CTNND2: variants seen among roughly 807,000 people sequenced by gnomAD.
The protein encoded by CTNND2 is catenin delta-2.
In CTNND2, 22 loss-of-function variants were observed where a neutral mutation model predicts 144.4. That is an observed-to-expected ratio of 0.15 (90% CI 0.11 to 0.22). The LOEUF (loss-of-function observed/expected upper bound fraction) is 0.22, where lower values mean the gene tolerates loss of function less well. Ranked by LOEUF, CTNND2 falls within the 10% of genes least tolerant of loss-of-function variation. CTNND2 has a pLI of 1.00. For synonymous variants in CTNND2, 751 were observed against 695.6 expected, an observed-to-expected ratio of 1.08 and a Z score of -1.25; for missense variants, 1,353 against 1,618.8, an observed-to-expected ratio of 0.84 and a Z score of 2.82.
At chr5:11,108,891 A>G (rs914710280) in intron 14 of CTNND2, among the ~76,000 whole-genome samples, 2 of 152,178 alleles carry the variant, frequency 1.3e-5, no homozygotes, top group Non-Finnish European at 2.9e-5. Context: ...AAAACAAACC[A>G]AAAAATGCTG....
chr5:11,813,800 C>T (rs1008150313), intron 1 of CTNND2, among the ~76,000 whole-genome samples: 5 of 152,186 alleles, frequency 3.3e-5, no homozygotes, highest in Non-Finnish European at 7.3e-5. Context: ...AGGCATGAGC[C>T]ACCCCACTCA....
intron 3 of CTNND2, among the ~76,000 whole-genome samples, chr5:11,429,026 T>C (rs1763037684): frequency 6.6e-6 from 1 of 151,986 alleles, no homozygotes; most frequent in African/African-American, 2.4e-5. Flanking sequence ...TCCCCACCCC[T>C]CCCCCTTAAA....
At chr5:11,066,801 G>A (rs1272264481) in intron 16 of CTNND2, among the ~76,000 whole-genome samples, 1 of 152,164 alleles carries the variant, frequency 6.6e-6, no homozygotes, top group Non-Finnish European at 1.5e-5. Context: ...ACAGAAGAAG[G>A]CAATGCTAAT....
chr5:11,319,801 G>A (rs1018553431), intron 9 of CTNND2, among the ~76,000 whole-genome samples: 31 of 152,302 alleles, frequency 2.0e-4, no homozygotes, highest in African/African-American at 7.2e-4. Context: ...GATTACAGGC[G>A]TGAGCCACTG....
chr5:11,876,227 C>T (rs190660363), intron 1 of CTNND2, among the ~76,000 whole-genome samples: 2 of 128,204 alleles, frequency 1.6e-5, no homozygotes, highest in African/African-American at 2.9e-5. Context: ...AGGGAGGAGG[C>T]GGGAGGCAGC....
chr5:11,352,718 C>A (rs190349232), intron 8 of CTNND2, among the ~76,000 whole-genome samples: 1 of 152,114 alleles, frequency 6.6e-6, no homozygotes, highest in Non-Finnish European at 1.5e-5. Flanking sequence ...GCAAGCTCCT[C>A]ATTAGGTCTT....
At chr5:11,041,384 A>G (rs2042297330) in intron 16 of CTNND2, among the ~76,000 whole-genome samples, 1 of 152,204 alleles carries the variant, frequency 6.6e-6, no homozygotes, top group Non-Finnish European at 1.5e-5. Context: ...CTAGAAGACA[A>G]ATAGAAGTTA....
chr5:11,089,444 T>C (rs1750531996), intron 15 of CTNND2, among the ~76,000 whole-genome samples: 1 of 152,176 alleles, frequency 6.6e-6, no homozygotes, highest in Non-Finnish European at 1.5e-5. Context: ...TGTAGACACT[T>C]TGTTTACATG....
At position 10,981,656 on chromosome 5, in the gene CTNND2, G is replaced by A. The variant is rs1230787116; in HGVS notation, c.3417+117C>T. ...GCGTGAGGAGAGGGCCTCAGGGGAC[G>A]TTGCCTTCTTTTTCAGTTCTTTATG... On this transcript the variant is annotated intron_variant, in intron 21 of 21. Coordinates refer to ENST00000304623, the MANE Select transcript of CTNND2 (RefSeq NM_001332.4). The A allele has an allele frequency of 2.1e-5, 20 of 960,260 alleles. No individual in the cohort carries two copies. In the Middle Eastern group the frequency reaches 7.2e-4, roughly 35 times the overall value. 59.5% of individuals were successfully genotyped at this position (960,260 alleles called of 1,614,324 possible).
chr5:11,477,404 T>TTTTTG (rs568650080), intron 3 of CTNND2, among the ~76,000 whole-genome samples: 298 of 151,366 alleles, frequency 2.0e-3, no homozygotes, highest in African/African-American at 6.7e-3. Flanking sequence ...GGTGGTGTTG[T>TTTTTG]TTTTGTTTTG....
At chr5:11,002,705 A>T (rs1740080652) in intron 18 of CTNND2, among the ~76,000 whole-genome samples, 1 of 152,202 alleles carries the variant, frequency 6.6e-6, no homozygotes, top group Non-Finnish European at 1.5e-5. Flanking sequence ...CCTGGAAGAC[A>T]ACTTTTAGAA....
intron 3 of CTNND2, among the ~76,000 whole-genome samples, chr5:11,479,164 G>A (rs1768014453): frequency 6.6e-6 from 1 of 152,040 alleles, no homozygotes; most frequent in South Asian, 2.1e-4. Context: ...TCACCCTCAG[G>A]AATGTCCTAC....
intron 18 of CTNND2, among the ~76,000 whole-genome samples, chr5:11,004,965 G>T (rs1336915363): frequency 2.6e-5 from 4 of 152,102 alleles, no homozygotes; most frequent in Non-Finnish European, 5.9e-5. Context: ...TTGAGGGGAA[G>T]ATGAAGGAGA....
chr5:11,831,048 G>A (rs751461311), intron 1 of CTNND2, among the ~76,000 whole-genome samples: 26 of 152,060 alleles, frequency 1.7e-4, no homozygotes, highest in Non-Finnish European at 3.5e-4. Flanking sequence ...AGGAGAGTAT[G>A]TTTGTGTGTG....
At chr5:11,141,214 A>G (rs562236535) in intron 12 of CTNND2, among the ~76,000 whole-genome samples, 24 of 152,316 alleles carry the variant, frequency 1.6e-4, no homozygotes, top group African/African-American at 5.3e-4. Flanking sequence ...TTGGCCTCCC[A>G]AAGTGCTGGG....
intron 9 of CTNND2, among the ~76,000 whole-genome samples, chr5:11,279,611 T>C (rs1037898542): frequency 1.3e-5 from 2 of 152,198 alleles, no homozygotes; most frequent in African/African-American, 4.8e-5. Context: ...GTGCCTTGCA[T>C]TAGATTAGAC....
At chr5:11,720,647 C>T (rs1322945934) in intron 2 of CTNND2, among the ~76,000 whole-genome samples, 1 of 152,196 alleles carries the variant, frequency 6.6e-6, no homozygotes, top group East Asian at 1.9e-4. Context: ...TATGCTGCCG[C>T]GACTCATGTT....
chr5:11,293,198 G>A (rs952614042), intron 9 of CTNND2, among the ~76,000 whole-genome samples: 1 of 152,162 alleles, frequency 6.6e-6, no homozygotes, highest in African/African-American at 2.4e-5. Flanking sequence ...CAAAACATCT[G>A]TGATTAGAAA....
At chr5:11,667,769 A>G (rs570358649) in intron 2 of CTNND2, among the ~76,000 whole-genome samples, 3 of 152,256 alleles carry the variant, frequency 2.0e-5, no homozygotes, top group African/African-American at 7.2e-5. Flanking sequence ...CTTTAGTTTA[A>G]TTAGATCCCA....
Sources: gnomAD v4.1 joint callset for allele counts (sites outside exome capture counted in the v4.1 genomes callset) on GRCh38, gnomAD v4.1.1 for gene constraint, MANE v1.5 for transcripts, NCBI Gene and HGNC (gene_info 2026-07-23, HGNC 2026-07-21) for gene names.